The following ANK1 variants were observed in gnomAD, a reference collection of about 807,000 sequenced individuals.
ANK1 encodes the protein ankyrin 1.
In ANK1, 51 loss-of-function variants were observed where a neutral mutation model predicts 210.4. The ratio of observed to expected loss-of-function variants is 0.24; its 90% CI spans 0.19 to 0.31. The LOEUF (loss-of-function observed/expected upper bound fraction) is 0.31, where lower values mean the gene tolerates loss of function less well. Ranked by LOEUF, ANK1 falls within the 10% of genes least tolerant of loss-of-function variation. The pLI, the probability that ANK1 is intolerant of heterozygous loss-of-function variation, is 1.00. For missense variants in ANK1, 2,051 were observed against 2,504.4 expected (o/e 0.82, Z 3.86); for synonymous variants, 967 against 1,025.9 (o/e 0.94, Z 1.10).
chr8:41,704,224 G>C lies in ANK1; in HGVS notation c.2197-85C>G. 7.2e-7 allele frequency: 1 copy of C among 1,388,486 alleles called. No individual in the cohort carries two copies. Among genetic ancestry groups the C allele is most frequent in the Non-Finnish European group, 1.0e-6 (1 of 977,118 alleles). The allele number at this position is 1,388,486 out of a possible 1,614,324, so 86.0% of individuals were successfully genotyped here. Reference sequence around the variant, plus strand: ...CACATGATAGTGCCTGCCCATCTTCGAAGTGGGACATTAATGAAATGCATT... The same window carrying C: ...CACATGATAGTGCCTGCCCATCTTCCAAGTGGGACATTAATGAAATGCATT... On this transcript the variant is annotated intron_variant, in intron 19 of 42. Coordinates refer to ENST00000289734, the MANE Select transcript of ANK1 (RefSeq NM_000037.4). This position sits in a 1 kb window ranked among gnomAD's most constrained non-coding sequence, Gnocchi z 4.1.
At chr8:41,752,503 T>C (rs1490939786) in intron 2 of ANK1, among the ~76,000 whole-genome samples, 1 of 152,106 alleles carries the variant, frequency 6.6e-6, no homozygotes, top group African/African-American at 2.4e-5. Context: ...GCTTACTATA[T>C]ATTTCTGCTT....
intron 2 of ANK1, among the ~76,000 whole-genome samples, chr8:41,754,485 C>T (rs1223168756): frequency 6.6e-6 from 1 of 152,148 alleles, no homozygotes; most frequent in Non-Finnish European, 1.5e-5. Flanking sequence ...TTATGGCAAA[C>T]AGTACGCATT....
intron 1 of ANK1, among the ~76,000 whole-genome samples, chr8:41,813,769 C>A (rs1299554875): frequency 6.6e-6 from 1 of 152,202 alleles, no homozygotes; most frequent in Non-Finnish European, 1.5e-5. Context: ...GAATTCCTCT[C>A]TTTTCAAGAT....
chr8:41,702,666 T>C (rs1307652292), intron 20 of ANK1, among the ~76,000 whole-genome samples: 7 of 152,264 alleles, frequency 4.6e-5, no homozygotes, highest in Admixed American at 2.0e-4. Context: ...TATTTTCTAC[T>C]TTGATTCAAA....
In ANK1 at chr8:41,864,015, C is replaced by T. The variant is rs550045530; in HGVS notation, c.126+32340G>A. Among the ~76,000 whole-genome samples the T allele has an allele frequency of 2.3e-3, 345 of 152,170 alleles. 4 individuals carry two copies. The highest frequency in any genetic ancestry group is 0.01 in the Middle Eastern group (3 of 294). ...ATCCCAGCACTTTGGGAGGCCGAGGCGGGTGGATCACGAGGTCAGGAGATC... is the reference window on the plus strand; with the variant it reads ...ATCCCAGCACTTTGGGAGGCCGAGGTGGGTGGATCACGAGGTCAGGAGATC... On this transcript the variant is annotated intron_variant, in intron 1 of 42. Coordinates refer to the ANK1 transcript ENST00000265709.
chr8:41,703,424 A>G (rs13265697), intron 20 of ANK1, among the ~76,000 whole-genome samples: 3,522 of 47,028 alleles, frequency 0.075, 88 homozygotes, highest in African/African-American at 0.1. Flanking sequence ...GTGTGTGTGT[A>G]TATATATATA....
chr8:41,771,904 G>A (rs747361460), intron 1 of ANK1, among the ~76,000 whole-genome samples: 33 of 152,192 alleles, frequency 2.2e-4, no homozygotes, highest in Non-Finnish European at 2.9e-4. Context: ...TTCCTGCAGG[G>A]ATTTCACGAG....
intron 1 of ANK1, among the ~76,000 whole-genome samples, chr8:41,861,280 G>A (rs915258360): frequency 1.3e-5 from 2 of 152,144 alleles, no homozygotes; most frequent in South Asian, 4.1e-4. Context: ...GCACACTCCT[G>A]GAGAGTAGCA....
intron 4 of ANK1, among the ~76,000 whole-genome samples, 181 bp downstream of exon 4, chr8:41,727,727 G>A (rs1831079082): frequency 2.0e-5 from 3 of 152,200 alleles, no homozygotes; most frequent in Admixed American, 6.5e-5. Context: ...CGCGGTCTAT[G>A]CATGCGAAAT....
intron 1 of ANK1, among the ~76,000 whole-genome samples, chr8:41,864,392 TG>T (rs760173155): frequency 3.9e-5 from 6 of 152,140 alleles, no homozygotes; most frequent in Non-Finnish European, 7.4e-5. Context: ...GATTGGCCGG[TG>T]GGATGTGGAC....
chr8:41,661,728 C>A, intron 41 of ANK1, 148 bp downstream of exon 41: 1 of 1,602,598 alleles, frequency 6.2e-7, no homozygotes, highest in South Asian at 1.1e-5. Flanking sequence ...AGGGAGGTGT[C>A]ATGCAGACGG....
chr8:41,813,175 C>G (rs1802756271), intron 1 of ANK1, among the ~76,000 whole-genome samples: 1 of 152,224 alleles, frequency 6.6e-6, no homozygotes, highest in Admixed American at 6.5e-5. Flanking sequence ...GTTTGAATGT[C>G]TCTGGCGATC....
intron 2 of ANK1, among the ~76,000 whole-genome samples, chr8:41,739,227 C>T (rs1316908254): frequency 6.6e-6 from 1 of 152,160 alleles, no homozygotes; most frequent in Non-Finnish European, 1.5e-5. Flanking sequence ...TTAATTCTCT[C>T]CTCAGTTATG....
At position 41,672,243 on chromosome 8, in the gene ANK1, G is replaced by T. The variant is rs778990301; in HGVS notation, c.5096+111C>A. The T allele has an allele frequency of 7.9e-3, 9,446 of 1,197,396 alleles. 312 individuals carry two copies. The African/African-American group carries it at 0.095, about 12-fold the overall frequency. 74.2% of individuals were successfully genotyped at this position (1,197,396 alleles called of 1,614,324 possible). On this transcript the variant is annotated intron_variant, in intron 38 of 42. Coordinates refer to ENST00000289734, the MANE Select transcript of ANK1 (RefSeq NM_000037.4). ...GAATGTATGTGCTCCTGTGCAATTA[G>T]AACCCAGGGTCAGGGTTGGCATCGA...
At chr8:41,838,669 G>A (rs1268316497) in intron 1 of ANK1, among the ~76,000 whole-genome samples, 1 of 151,908 alleles carries the variant, frequency 6.6e-6, no homozygotes, top group Non-Finnish European at 1.5e-5. Context: ...AGGAGGCTGG[G>A]CAGGAGAATC....
chr8:41,843,032 G>A (rs1045403237), intron 1 of ANK1, among the ~76,000 whole-genome samples: 2 of 152,122 alleles, frequency 1.3e-5, no homozygotes, highest in Admixed American at 6.5e-5. Flanking sequence ...ATTTTTAATA[G>A]AGACAGAGTT....
At chr8:41,667,914 G>A (rs1383134399) in intron 39 of ANK1, among the ~76,000 whole-genome samples, 3 of 152,146 alleles carry the variant, frequency 2.0e-5, no homozygotes, top group East Asian at 1.9e-4. Context: ...CCCAGTGCTC[G>A]GTTCCTAGCC....
chr8:41,714,284 C>T, intron 15 of ANK1, 30 bp from the exon 16 acceptor site: 1 of 1,521,522 alleles, frequency 6.6e-7, no homozygotes, highest in Non-Finnish European at 8.9e-7. Context: ...AAGAGGCCGG[C>T]TGTCACTCCC....
At chr8:41,754,114 C>T (rs1196719553) in intron 2 of ANK1, among the ~76,000 whole-genome samples, 1 of 152,234 alleles carries the variant, frequency 6.6e-6, no homozygotes, top group African/African-American at 2.4e-5. Flanking sequence ...ATAGCTCTCA[C>T]TGCCAATAGA....
Sources: gnomAD v4.1 joint callset for allele counts (sites outside exome capture counted in the v4.1 genomes callset) on GRCh38, gnomAD v4.1.1 for gene constraint, Gnocchi (gnomAD v3.1) non-coding constraint, MANE v1.5 for transcripts, NCBI Gene and HGNC (gene_info 2026-07-23, HGNC 2026-07-21) for gene names.